Variants in CSMD1 observed in about 807,000 individuals in gnomAD.
CSMD1 encodes CUB and sushi domain-containing protein 1.
CSMD1 carries 213 observed loss-of-function variants against 417.5 expected under a neutral mutation model. That is an observed-to-expected ratio of 0.51 (90% confidence interval 0.46 to 0.57). The LOEUF (loss-of-function observed/expected upper bound fraction) is 0.57. Among genes scored for constraint, CSMD1 ranks in the 20% least tolerant of loss-of-function variants. The pLI is 0.00. For missense variants in CSMD1, 6,923 were observed against 4,529.7 expected, an observed-to-expected ratio of 1.53 and a Z score of -15.17; for synonymous variants, 2,862 against 1,736.8, an observed-to-expected ratio of 1.65 and a Z score of -16.11.
chr8:3,296,635 T>A (rs1803990582), intron 25 of CSMD1, among the ~76,000 whole-genome samples: 1 of 152,086 alleles, frequency 6.6e-6, no homozygotes, highest in South Asian at 2.1e-4. Context: ...TGTGCTGAGA[T>A]GAGCTGAATA....
intron 5 of CSMD1, among the ~76,000 whole-genome samples, chr8:3,990,821 T>C (rs1026383837): frequency 1.3e-5 from 2 of 152,110 alleles, no homozygotes; most frequent in Admixed American, 6.5e-5. Flanking sequence ...TCCTAGGGTA[T>C]ACGCTCCTGG....
In CSMD1 at chr8:4,872,917, A is replaced by G. The variant is rs563354654; in HGVS notation, c.85+121415T>C. Among the ~76,000 whole-genome samples the G allele has an allele frequency of 1.3e-5, 2 of 152,012 alleles. 1 individual carries two copies. Among genetic ancestry groups the G allele is most frequent in the African/African-American group, 4.8e-5 (2 of 41,326 alleles). On this transcript the variant is annotated intron_variant, in intron 1 of 69. Coordinates refer to ENST00000635120, the MANE Select transcript of CSMD1 (RefSeq NM_033225.6). ...TTGTGCGATGTCTGAATTTTTTGAC[A>G]TATGTTTTATTTTATTTCCATCTCT...
Position 3,018,626 on chromosome 8 carries a change from A to C in CSMD1, c.7880T>G (p.Phe2627Cys), listed in dbSNP as rs1218395298. The C allele has an allele frequency of 6.2e-7, 1 of 1,613,288 alleles. No homozygotes were observed. The highest frequency in any genetic ancestry group is 8.5e-7 in the Non-Finnish European group (1 of 1,179,646). Residue 2627 changes from phenylalanine to cysteine, a missense_variant, in exon 52 of 70, where the codon TTT (phenylalanine) becomes TGT (cysteine). Phe to Cys is a radical substitution (Grantham distance 205, BLOSUM62 -2). Coordinates refer to ENST00000635120, the MANE Select transcript of CSMD1 (RefSeq NM_033225.6). ...CRVISCGSLS[F>C]PPNGNKIGTL... is the part of the protein sequence containing the mutation. ...TCCAATCTTGTTGCCATTTGGGGGA[A>C]AGGAAAGGCTTCCACACGAGATAAC...
chr8:3,836,346 G>C (rs562555498), intron 5 of CSMD1, among the ~76,000 whole-genome samples: 1 of 152,078 alleles, frequency 6.6e-6, no homozygotes, highest in African/African-American at 2.4e-5. Context: ...AGATCTATGA[G>C]GAACTAGCTA....
At chr8:3,422,267 G>T (rs374051307) in intron 12 of CSMD1, among the ~76,000 whole-genome samples, 1 of 152,084 alleles carries the variant, frequency 6.6e-6, no homozygotes, top group African/African-American at 2.4e-5. Flanking sequence ...ATTCTTGATG[G>T]CATACAATTC....
chr8:3,182,619 TG>T lies in CSMD1; in HGVS notation c.5621-1406del, dbSNP rs1821421393. On this transcript the variant is annotated intron_variant, in intron 36 of 69. Coordinates refer to ENST00000635120, the MANE Select transcript of CSMD1 (RefSeq NM_033225.6). ...GTGTGTGTGTGTGTGTGTGTGTGTGTGTGTGTGTGTGTGTATTGTTAGTAGA... is the reference window on the plus strand; with the variant it reads ...GTGTGTGTGTGTGTGTGTGTGTGTGTTGTGTGTGTGTGTATTGTTAGTAGA... 2.2e-3 allele frequency among the ~76,000 whole-genome samples: 136 copies of T among 61,532 alleles called. 2 individuals are homozygous for T. Among genetic ancestry groups the T allele is most frequent in the African/African-American group, 5.0e-3 (129 of 25,772 alleles). The allele number at this position is 61,532 out of a possible 152,430, so 40.4% of individuals were successfully genotyped here. A position where few individuals can be genotyped will look rare whatever the true frequency, so the allele number is the denominator to read the frequency against.
intron 1 of CSMD1, among the ~76,000 whole-genome samples, chr8:4,883,703 T>C (rs1383533025): frequency 1.3e-5 from 2 of 152,154 alleles, no homozygotes; most frequent in Non-Finnish European, 2.9e-5. Flanking sequence ...GGCCATACCA[T>C]ATTTTGTGTA....
intron 3 of CSMD1, among the ~76,000 whole-genome samples, chr8:4,249,248 T>G (rs1160255259): frequency 6.6e-6 from 1 of 152,186 alleles, no homozygotes; most frequent in African/African-American, 2.4e-5. Flanking sequence ...AGGGCAAACA[T>G]TTCTCTTTTA....
chr8:3,087,185 T>C lies in CSMD1; in HGVS notation c.7386A>G (p.Gly2462=), dbSNP rs1172184156. 2 of 1,613,960 alleles carry C rather than the reference T, an allele frequency of 1.2e-6. No individual in the cohort carries two copies. The highest frequency in any genetic ancestry group is 1.7e-6 in the Non-Finnish European group (2 of 1,179,892). ...CATTGCTGTGGCCGACCATTCGGTATCCAGGCTTGCAAAAATAATGCACTT... is the reference window on the plus strand; with the variant it reads ...CATTGCTGTGGCCGACCATTCGGTACCCAGGCTTGCAAAAATAATGCACTT... ...GSKVHYFCKP[G]YRMVGHSNAT... is the part of the protein sequence containing the mutation. Residue 2462 remains glycine (G), a synonymous_variant, in exon 49 of 70, where the codon GGA becomes GGG. Coordinates refer to ENST00000635120, the MANE Select transcript of CSMD1 (RefSeq NM_033225.6).
intron 1 of CSMD1, among the ~76,000 whole-genome samples, chr8:4,781,810 C>G (rs550219704): frequency 6.6e-6 from 1 of 152,114 alleles, no homozygotes; most frequent in Non-Finnish European, 1.5e-5. Context: ...CTCACCTAGG[C>G]CAGTAAAACA....
At position 2,935,513 on chromosome 8, in the gene CSMD1, T is replaced by C. The variant is rs569195757; in HGVS notation, c.*3072A>G. 1.3e-5 allele frequency: 2 copies of C among 152,270 alleles called. No homozygotes were observed. Among genetic ancestry groups the C allele is most frequent in the Admixed American group, 6.5e-5 (1 of 15,290 alleles). 9.4% of individuals were successfully genotyped at this position (152,270 alleles called of 1,614,324 possible). ...TAATATTAATACATGTGTAATAGGA[T>C]TGGAACTGAAAATCAGCTAGAGATG... On this transcript the variant is annotated 3_prime_UTR_variant, in exon 70 of 70. Transcript: ENST00000635120.
At chr8:4,973,853 A>T (rs985346789) in intron 1 of CSMD1, among the ~76,000 whole-genome samples, 6 of 152,180 alleles carry the variant, frequency 3.9e-5, no homozygotes, top group Admixed American at 1.3e-4. Context: ...ATTCCTTTCA[A>T]ATCAACGTGA....
chr8:3,576,496 G>C (rs903053434), intron 9 of CSMD1, among the ~76,000 whole-genome samples: 3 of 152,106 alleles, frequency 2.0e-5, no homozygotes, highest in Non-Finnish European at 4.4e-5. Flanking sequence ...CATAATTTGA[G>C]ACAACTGTTC....
chr8:4,268,460 G>C (rs1179693123), intron 3 of CSMD1, among the ~76,000 whole-genome samples: 2 of 152,132 alleles, frequency 1.3e-5, no homozygotes, highest in Admixed American at 1.3e-4. Context: ...GGTACTGAAA[G>C]GTAGTATCGC....
chr8:4,107,921 C>T (rs756002039), intron 3 of CSMD1, among the ~76,000 whole-genome samples: 15 of 152,146 alleles, frequency 9.9e-5, no homozygotes, highest in Admixed American at 2.0e-4. Flanking sequence ...ATAACATTTT[C>T]GTCAAAGTTT....
At chr8:4,208,378 G>C (rs192766298) in intron 3 of CSMD1, among the ~76,000 whole-genome samples, 1 of 152,092 alleles carries the variant, frequency 6.6e-6, no homozygotes, top group African/African-American at 2.4e-5. Context: ...TTTCCCCAAG[G>C]AATTGAGTTA....
intron 5 of CSMD1, among the ~76,000 whole-genome samples, chr8:3,856,247 C>G (rs919083883): frequency 6.6e-6 from 1 of 152,100 alleles, no homozygotes; most frequent in Admixed American, 6.5e-5. Context: ...TGCTCTCTCT[C>G]TTCTTCCTAC....
chr8:3,917,045 C>T (rs1485108998), intron 5 of CSMD1, among the ~76,000 whole-genome samples: 1 of 152,070 alleles, frequency 6.6e-6, no homozygotes, highest in Non-Finnish European at 1.5e-5. Flanking sequence ...TTTTCTTCCT[C>T]TTTTTGAATG....
intron 3 of CSMD1, among the ~76,000 whole-genome samples, chr8:4,045,265 C>G (rs1798091821): frequency 6.6e-6 from 1 of 152,176 alleles, no homozygotes; most frequent in African/African-American, 2.4e-5. Context: ...GACAAAGCCT[C>G]TCATTTCTCC....
Sources: allele counts gnomAD v4.1 joint callset (sites outside exome capture counted in the v4.1 genomes callset), GRCh38; gene constraint gnomAD v4.1.1; transcripts MANE v1.5; gene names NCBI Gene and HGNC (gene_info 2026-07-23, HGNC 2026-07-21).